Variants in ACYP2 observed in about 807,000 individuals in gnomAD.
The protein encoded by ACYP2 is acylphosphatase-2.
ACYP2 carries 12 observed loss-of-function variants against 11.2 expected under a neutral mutation model. The ratio of observed to expected loss-of-function variants is 1.08; its 90% CI spans 0.69 to 1.74. ACYP2 has a LOEUF of 1.74. Ranked by LOEUF, ACYP2 falls within the 40% of genes most tolerant of loss-of-function variation. The probability of loss-of-function intolerance (pLI) is 0.00; values close to 1 mark genes in which losing one functional copy is unlikely to be tolerated. For missense variants in ACYP2, 134 were observed against 101.9 expected, an observed-to-expected ratio of 1.31 and a Z score of -1.35; for synonymous variants, 43 against 32.2, an observed-to-expected ratio of 1.33 and a Z score of -1.13.
At chr2:54,245,928 C>T (rs1686930036) in intron 6 of ACYP2, among the ~76,000 whole-genome samples, 1 of 151,936 alleles carries the variant, frequency 6.6e-6, no homozygotes, top group African/African-American at 2.4e-5. Context: ...AAAATCTTGC[C>T]CCAGACCAAT....
rs190161710 is a variant in ACYP2 at position 54,294,361 on chromosome 2, A to T, written c.405-10327A>T. Among the ~76,000 whole-genome samples, 5 of 152,048 alleles carry T rather than the reference A, an allele frequency of 3.3e-5. No individual in the cohort carries two copies. In the East Asian group the frequency reaches 9.7e-4, roughly 29 times the overall value. ...GATTCTTCATACATTCCACTCCCCT[A>T]TATTTTTGCTTAGTGTTAGGTTAAT... On this transcript the variant is annotated intron_variant, in intron 6 of 6. Coordinates refer to ENST00000607452, the MANE Select transcript of ACYP2 (RefSeq NM_001320586.2).
At chr2:54,031,062 G>A (rs1395537648) in intron 2 of ACYP2, among the ~76,000 whole-genome samples, 1 of 152,198 alleles carries the variant, frequency 6.6e-6, no homozygotes, top group African/African-American at 2.4e-5. Context: ...CTATAACAGA[G>A]GAAGTTCAGC....
chr2:54,116,757 G>A (rs1384928434), intron 4 of ACYP2, among the ~76,000 whole-genome samples: 1 of 152,140 alleles, frequency 6.6e-6, no homozygotes, highest in Non-Finnish European at 1.5e-5. Context: ...CCTGAACAGG[G>A]GAGGGGAAGG....
At chr2:54,201,620 C>CTT (rs745652658) in intron 6 of ACYP2, among the ~76,000 whole-genome samples, 3,823 of 86,830 alleles carry the variant, frequency 0.044, 120 homozygotes, top group East Asian at 0.13. Context: ...TTCTTTCTTT[C>CTT]TTTGTTTCTT....
chr2:54,221,818 C>T (rs1328843602), intron 6 of ACYP2, among the ~76,000 whole-genome samples: 4 of 152,036 alleles, frequency 2.6e-5, no homozygotes, highest in African/African-American at 4.8e-5. Context: ...CACCACACCC[C>T]GCCAGAATAA....
intron 6 of ACYP2, chr2:54,253,854 T>G (rs1687352248): frequency 6.6e-6 from 1 of 152,236 alleles, no homozygotes; most frequent in Admixed American, 6.5e-5. Context: ...TGGCAGTCTA[T>G]TTTACAGAAC....
intron 6 of ACYP2, among the ~76,000 whole-genome samples, chr2:54,190,566 G>A (rs1684199048): frequency 1.3e-5 from 2 of 151,930 alleles, no homozygotes; most frequent in African/African-American, 4.8e-5. Flanking sequence ...TTGGCTGCCA[G>A]GATACTCTAC....
chr2:54,182,253 T>G (rs890731954), intron 6 of ACYP2, among the ~76,000 whole-genome samples: 2 of 151,618 alleles, frequency 1.3e-5, no homozygotes, highest in Admixed American at 1.3e-4. Context: ...AGAGACAGAG[T>G]TTCGTCATGT....
intron 2 of ACYP2, among the ~76,000 whole-genome samples, chr2:54,050,366 T>C (rs774892100): frequency 6.6e-6 from 1 of 151,650 alleles, no homozygotes; most frequent in African/African-American, 2.4e-5. Flanking sequence ...TAAGCACACA[T>C]AGGGAGACTC....
At chr2:54,024,835 A>G (rs1199214571) in intron 2 of ACYP2, among the ~76,000 whole-genome samples, 1 of 152,174 alleles carries the variant, frequency 6.6e-6, no homozygotes, top group African/African-American at 2.4e-5. Context: ...TACCTAGAAA[A>G]CTGTAAAGAC....
At chr2:54,148,319 A>AAT (rs1681990774) in intron 6 of ACYP2, among the ~76,000 whole-genome samples, 1 of 133,022 alleles carries the variant, frequency 7.5e-6, no homozygotes, top group Admixed American at 7.2e-5. Context: ...GTCAATGAAC[A>AAT]ATCTGTTACA....
intron 6 of ACYP2, among the ~76,000 whole-genome samples, chr2:54,162,340 C>T (rs1322288095): frequency 1.3e-5 from 2 of 152,220 alleles, no homozygotes; most frequent in Non-Finnish European, 2.9e-5. Context: ...CAGCTACCTT[C>T]TTGTAACATA....
intron 6 of ACYP2, among the ~76,000 whole-genome samples, chr2:54,270,947 ACTTTT>A (rs1276988718): frequency 1.3e-5 from 2 of 152,180 alleles, no homozygotes; most frequent in African/African-American, 4.8e-5. Flanking sequence ...AAAGCTTTGT[ACTTTT>A]CTTTACATAT....
chr2:54,092,566 G>A (rs1323823032), intron 4 of ACYP2, among the ~76,000 whole-genome samples: 2 of 152,174 alleles, frequency 1.3e-5, no homozygotes, highest in Non-Finnish European at 2.9e-5. Flanking sequence ...GCTAGGTGAG[G>A]GTGAGGGGAA....
chr2:54,101,831 T>A (rs10172916), intron 4 of ACYP2, among the ~76,000 whole-genome samples: 3 of 152,076 alleles, frequency 2.0e-5, no homozygotes, highest in Non-Finnish European at 4.4e-5. Context: ...TACAGAGGGC[T>A]CTCATATACA....
chr2:54,063,568 C>T (rs1676579663), intron 4 of ACYP2, among the ~76,000 whole-genome samples: 1 of 152,182 alleles, frequency 6.6e-6, no homozygotes, highest in African/African-American at 2.4e-5. Flanking sequence ...AATTTACTCC[C>T]CTTTCCAGCC....
intron 6 of ACYP2, chr2:54,267,327 AAAG>A: frequency 6.5e-6 from 10 of 1,549,158 alleles, no homozygotes; most frequent in Non-Finnish European, 8.7e-6. Context: ...TGGGTGAAGA[AAAG>A]AAACAAGATA....
chr2:54,300,366 G>A (rs1339688373), intron 6 of ACYP2, among the ~76,000 whole-genome samples: 1 of 152,220 alleles, frequency 6.6e-6, no homozygotes, highest in Non-Finnish European at 1.5e-5. Context: ...CTGGAAGATG[G>A]CCCTTAGCCA....
chr2:54,304,848 T>A lies in ACYP2; in HGVS notation c.*46T>A. ...ACACTGAACAATAGATACTGTATGT[T>A]CTTAAGACTATGTATACTAGAATAA... On this transcript the variant is annotated 3_prime_UTR_variant, in exon 7 of 7. Transcript: ENST00000607452. The A allele has an allele frequency of 1.8e-6, 2 of 1,138,832 alleles. No individual in the cohort carries two copies. Among genetic ancestry groups the A allele is most frequent in the South Asian group, 2.7e-5 (2 of 73,730 alleles). The allele number at this position is 1,138,832 out of a possible 1,614,324, so 70.5% of individuals were successfully genotyped here.
Sources: allele counts gnomAD v4.1 joint callset (sites outside exome capture counted in the v4.1 genomes callset), GRCh38; gene constraint gnomAD v4.1.1; transcripts MANE v1.5; gene names NCBI Gene and HGNC (gene_info 2026-07-23, HGNC 2026-07-21).